Variants in GOT1 observed in about 807,000 individuals in gnomAD.
The protein encoded by GOT1 is aspartate aminotransferase, cytoplasmic.
In GOT1, 25 loss-of-function variants were observed where a neutral mutation model predicts 48.2. The observed-to-expected ratio is 0.52, with a 90% CI of 0.38 to 0.72. The LOEUF (loss-of-function observed/expected upper bound fraction) is 0.72, where lower values mean the gene tolerates loss of function less well. GOT1 is among the 30% of genes least tolerant of loss of function. The pLI is 0.00. For synonymous variants in GOT1, 188 were observed against 193.8 expected (o/e 0.97, Z 0.25); for missense variants, 380 against 520.1 (o/e 0.73, Z 2.62).
At chr10:99,428,551 T>A (rs992518563) in intron 1 of GOT1, among the ~76,000 whole-genome samples, 1 of 152,188 alleles carries the variant, frequency 6.6e-6, no homozygotes, top group Non-Finnish European at 1.5e-5. Context: ...AAAGATGGGG[T>A]TTCACCATGT....
chr10:99,417,329 A>C (rs980488006), intron 2 of GOT1, among the ~76,000 whole-genome samples: 4 of 152,230 alleles, frequency 2.6e-5, no homozygotes, highest in African/African-American at 7.2e-5. Context: ...ACATGAAAAA[A>C]TGCTCATCAT....
chr10:99,405,518 T>TGG (rs2032742549), intron 5 of GOT1, among the ~76,000 whole-genome samples: 1 of 82,778 alleles, frequency 1.2e-5, no homozygotes, highest in Non-Finnish European at 2.5e-5. Context: ...TACATAAAAC[T>TGG]AGACACACAC....
At chr10:99,422,068 C>A (rs2032976795) in intron 1 of GOT1, among the ~76,000 whole-genome samples, 1 of 152,122 alleles carries the variant, frequency 6.6e-6, no homozygotes, top group Non-Finnish European at 1.5e-5. Context: ...GTGTCCCCAC[C>A]CAAATCTCAT....
At chr10:99,428,124 A>G (rs959579581) in intron 1 of GOT1, among the ~76,000 whole-genome samples, 1 of 152,206 alleles carries the variant, frequency 6.6e-6, no homozygotes, top group Non-Finnish European at 1.5e-5. Context: ...GTCATAAATT[A>G]GTTCATTTTG....
chr10:99,429,335 A>G (rs1465116077), intron 1 of GOT1, among the ~76,000 whole-genome samples: 1 of 147,632 alleles, frequency 6.8e-6, no homozygotes, highest in East Asian at 2.0e-4. Flanking sequence ...GGCCTGAGCC[A>G]CCGCGCCCGG....
chr10:99,425,097 A>G (rs565463070), intron 1 of GOT1, among the ~76,000 whole-genome samples: 2 of 152,380 alleles, frequency 1.3e-5, no homozygotes, highest in East Asian at 3.9e-4. Context: ...CAGAGCATAG[A>G]TAGAGCCTTT....
intron 1 of GOT1, among the ~76,000 whole-genome samples, chr10:99,429,000 C>G (rs1379918188): frequency 6.6e-6 from 1 of 152,010 alleles, no homozygotes; most frequent in Non-Finnish European, 1.5e-5. Flanking sequence ...TTCAACAAAC[C>G]ATCACTTTTC....
At chr10:99,402,894 T>C (rs1234349352) in intron 7 of GOT1, among the ~76,000 whole-genome samples, 172 bp from the exon 8 acceptor site, 3 of 152,120 alleles carry the variant, frequency 2.0e-5, no homozygotes, top group African/African-American at 7.2e-5. Flanking sequence ...GAGAGAGACT[T>C]AGGGGGCAGA....
chr10:99,404,039 T>C (rs2032721099), intron 5 of GOT1, among the ~76,000 whole-genome samples, 165 bp from the exon 6 acceptor site: 6 of 152,214 alleles, frequency 3.9e-5, no homozygotes, highest in Admixed American at 3.9e-4. Flanking sequence ...CATTTCTCTC[T>C]ACAACCAACA....
chr10:99,407,594 G>A lies in GOT1; in HGVS notation c.301-745C>T, dbSNP rs140366947. Among the ~76,000 whole-genome samples, 177 of 151,700 alleles carry A rather than the reference G, an allele frequency of 1.2e-3. 9 individuals carry two copies. The East Asian group carries it at 0.03, about 26-fold the overall frequency. On this transcript the variant is annotated intron_variant, in intron 2 of 8. Transcript: ENST00000370508. The stretch of plus-strand genomic sequence containing the variant: ...ACTACAGGCGCCTGCCACCATGCCC[G>A]GCTAATTTTTTGTATATTTAGTAGA...
intron 1 of GOT1, among the ~76,000 whole-genome samples, chr10:99,422,732 C>G (rs1278224497): frequency 6.6e-6 from 1 of 152,144 alleles, no homozygotes; most frequent in Non-Finnish European, 1.5e-5. Context: ...TTACATATGC[C>G]CTTTTAAACA....
chr10:99,422,939 C>T (rs1478178005), intron 1 of GOT1, among the ~76,000 whole-genome samples: 1 of 152,222 alleles, frequency 6.6e-6, no homozygotes, highest in Non-Finnish European at 1.5e-5. Context: ...TAAAACAATA[C>T]TTCAGTGAAC....
intron 2 of GOT1, among the ~76,000 whole-genome samples, chr10:99,415,447 T>C (rs2032882957): frequency 6.6e-6 from 1 of 152,208 alleles, no homozygotes; most frequent in Non-Finnish European, 1.5e-5. Context: ...GAGGCAGTAA[T>C]TAATAGCTTA....
Position 99,420,621 on chromosome 10 carries a change from T to C in GOT1, c.300+3A>G, listed in dbSNP as rs2032953444. 6.2e-7 allele frequency: 1 copy of C among 1,604,454 alleles called. No homozygotes were observed. The highest frequency in any genetic ancestry group is 1.7e-5 in the Admixed American group (1 of 58,024). On this transcript the variant is annotated splice_donor_region_variant and intron_variant, in intron 2 of 8. Coordinates refer to ENST00000370508, the MANE Select transcript of GOT1 (RefSeq NM_002079.3). ...AGAAAATACATCCTTACCCAAAACT[T>C]ACCCGCTTCTCCTTGAGTGCTGGGC...
chr10:99,406,939 G>T (rs2032767304), intron 2 of GOT1, 90 bp from the exon 3 acceptor site: 1 of 1,211,558 alleles, frequency 8.3e-7, no homozygotes, highest in Non-Finnish European at 1.2e-6. Flanking sequence ...CTTACTCTAT[G>T]CCTGCTCTGT....
rs780263697 is a variant in GOT1, at chr10:99,403,734, G to T, written c.783C>A (p.Phe261Leu). The T allele has an allele frequency of 6.2e-7, 1 of 1,614,190 alleles. No individual in the cohort carries two copies. Among genetic ancestry groups the T allele is most frequent in the South Asian group, 1.1e-5 (1 of 91,082 alleles). The change falls in exon 6 of 9, where the codon TTC becomes TTA. Residue 261 changes from phenylalanine (F) to leucine (L), a missense_variant. Coordinates refer to ENST00000370508, the MANE Select transcript of GOT1 (RefSeq NM_002079.3). ...CAGGAGAGCACTCACTGTAGAGCCCGAAGTTCTTGGAGAAGGACTGGGCAC... is the reference window on the plus strand; with the variant it reads ...CAGGAGAGCACTCACTGTAGAGCCCTAAGTTCTTGGAGAAGGACTGGGCAC... ...FFCAQSFSKN[F>L]GLYNERVGNL...
chr10:99,402,649 G>A lies in GOT1; in HGVS notation c.1033C>T (p.Leu345Phe). The A allele has an allele frequency of 1.2e-6, 2 of 1,614,048 alleles. No homozygotes were observed. Among genetic ancestry groups the A allele is most frequent in the Non-Finnish European group, 1.7e-6 (2 of 1,179,900 alleles). Residue 345 changes from leucine to phenylalanine, a missense_variant, in exon 8 of 9, where the codon CTC (leucine) becomes TTC (phenylalanine). By Grantham distance (22) the Leu-to-Phe change is conservative (BLOSUM62 0). Transcript: ENST00000370508. ...TGGTTCCAGGTCCCAGGGGTTTTGA[G>A]GGCTTCTAGTCGTGCCCTGAGTTCA... ...RSELRARLEA[L>F]KTPGTWNHIT...
intron 2 of GOT1, among the ~76,000 whole-genome samples, chr10:99,410,747 A>G (rs2032818200): frequency 6.6e-6 from 1 of 152,202 alleles, no homozygotes; most frequent in Non-Finnish European, 1.5e-5. Flanking sequence ...TTTTTGGCAA[A>G]TTGTCCTACA....
chr10:99,427,558 C>T (rs921650129), intron 1 of GOT1, among the ~76,000 whole-genome samples: 3 of 152,284 alleles, frequency 2.0e-5, no homozygotes, highest in African/African-American at 7.2e-5. Context: ...CGTGAGCCAC[C>T]ATGCCTGGCC....
Sources: gnomAD v4.1 joint callset for allele counts (sites outside exome capture counted in the v4.1 genomes callset) on GRCh38, gnomAD v4.1.1 for gene constraint, MANE v1.5 for transcripts, NCBI Gene and HGNC (gene_info 2026-07-23, HGNC 2026-07-21) for gene names.